Variants in CELSR1 observed in about 807,000 individuals in gnomAD.
The protein encoded by CELSR1 is adhesion G protein-coupled receptor C1.
Under a neutral mutation model 249.1 loss-of-function variants are expected in CELSR1, and 110 were observed. The observed-to-expected ratio is 0.44, with a 90% CI of 0.38 to 0.52. CELSR1 has a LOEUF of 0.52. CELSR1 is among the 20% of genes least tolerant of loss of function. The probability of loss-of-function intolerance (pLI) is 0.00; values close to 1 mark genes in which losing one functional copy is unlikely to be tolerated. For missense variants in CELSR1, 4,109 were observed against 4,296.4 expected (o/e 0.96, Z 1.22); for synonymous variants, 2,113 against 1,900.0 (o/e 1.11, Z -2.92).
In CELSR1 at chr22:46,401,947, G is replaced by C. The variant is rs1473673937; in HGVS notation, c.5227-2045C>G. Among the ~76,000 whole-genome samples the C allele has an allele frequency of 6.6e-6, 1 of 152,072 alleles. No individual in the cohort carries two copies. The highest frequency in any genetic ancestry group is 2.4e-5 in the African/African-American group (1 of 41,416). On this transcript the variant is annotated intron_variant, in intron 9 of 34. Transcript: ENST00000674500. The surrounding 1 kb of genome is among the most constrained non-coding windows in gnomAD (Gnocchi z 4.7). The stretch of plus-strand genomic sequence containing the variant: ...ACTAAAAATACAAAAAATTAGCTGG[G>C]CGTGGTGGCAGGTGCCTGTAGTTCC...
rs561360013 is a variant in CELSR1, at chr22:46,473,513, C to T, written c.3545-9168G>A. Among the ~76,000 whole-genome samples the T allele has an allele frequency of 1.1e-4, 16 of 152,236 alleles. No individual in the cohort carries two copies. Among genetic ancestry groups the T allele is most frequent in the East Asian group, 3.9e-4 (2 of 5,176 alleles). ...GGGCCACTTATTCACTGTGAGTCTC[C>T]GTCACCACCCCATGCACCAAAGCCT... On this transcript the variant is annotated intron_variant, in intron 1 of 34. Transcript: ENST00000674500. The surrounding 1 kb of genome is among the most constrained non-coding windows in gnomAD (Gnocchi z 6.6).
intron 5 of CELSR1, among the ~76,000 whole-genome samples, chr22:46,415,035 C>T (rs754514258): frequency 3.9e-5 from 6 of 152,184 alleles, no homozygotes; most frequent in Non-Finnish European, 7.3e-5. Context: ...CCATGCACCG[C>T]GTGACTCCAT....
intron 2 of CELSR1, among the ~76,000 whole-genome samples, chr22:46,450,543 A>G (rs1251174751): frequency 6.6e-6 from 1 of 152,206 alleles, no homozygotes; most frequent in East Asian, 1.9e-4. Context: ...AGGTTCAGAG[A>G]GGGCAGTTAC....
intron 1 of CELSR1, among the ~76,000 whole-genome samples, chr22:46,486,263 T>C (rs73452267): frequency 0.037 from 5,601 of 150,286 alleles, 358 homozygotes; most frequent in African/African-American, 0.13. Context: ...AAGTCATGCA[T>C]CAAGGCCGGG....
At chr22:46,457,072 C>A (rs555136518) in intron 2 of CELSR1, among the ~76,000 whole-genome samples, 1 of 152,198 alleles carries the variant, frequency 6.6e-6, no homozygotes, top group African/African-American at 2.4e-5. Flanking sequence ...CCGAAGTCCA[C>A]GTGGCGTGGA....
chr22:46,385,090 C>G (rs957665337), intron 19 of CELSR1, among the ~76,000 whole-genome samples: 9 of 151,382 alleles, frequency 5.9e-5, no homozygotes, highest in Non-Finnish European at 1.3e-4. Flanking sequence ...CCACGCCCAG[C>G]CTATTTACTT....
At chr22:46,452,095 C>T (rs972423571) in intron 2 of CELSR1, among the ~76,000 whole-genome samples, 1 of 152,148 alleles carries the variant, frequency 6.6e-6, no homozygotes, top group Non-Finnish European at 1.5e-5. Context: ...AGCTGCAGAA[C>T]TGAGGGAAGG....
At position 46,436,738 on chromosome 22, in the gene CELSR1, G is replaced by A. The variant is rs543648642; in HGVS notation, c.4407-449C>T. On this transcript the variant is annotated intron_variant, in intron 3 of 34. Transcript: ENST00000674500. This position sits in a 1 kb window ranked among gnomAD's most constrained non-coding sequence, Gnocchi z 5.9. ...GACCATTCTTATGGCCTCTCCCCCC[G>A]GCACTCAGCCACAATAGCATCTTTT... 3.6e-4 allele frequency among the ~76,000 whole-genome samples: 54 copies of A among 150,306 alleles called. No homozygotes were observed. Among genetic ancestry groups the A allele is most frequent in the African/African-American group, 1.2e-3 (49 of 39,884 alleles).
chr22:46,508,445 G>A (rs879861209), intron 1 of CELSR1, among the ~76,000 whole-genome samples: 12 of 11,150 alleles, frequency 1.1e-3, no homozygotes, highest in South Asian at 3.1e-3. Flanking sequence ...CCCCACCCCC[G>A]CCCCTTGCTG....
chr22:46,534,596 T>C lies in CELSR1; in HGVS notation c.2575A>G (p.Thr859Ala). 6 of 1,613,864 alleles carry C rather than the reference T, an allele frequency of 3.7e-6. No homozygotes were observed. Among genetic ancestry groups the C allele is most frequent in the Non-Finnish European group, 5.1e-6 (6 of 1,180,036 alleles). ...TTGTCCTGGGCCATGATGGTCAGCG[T>C]GTAGGCGACCTGGTTCTCATAGTCC... ...ELDYENQVAY[T>A]LTIMAQDNGI... The change falls in exon 1 of 35, where the codon ACG becomes GCG. Residue 859 changes from threonine (T) to alanine (A), a missense_variant. Physicochemically the swap from Thr to Ala is moderately conservative, Grantham distance 58. Transcript: ENST00000674500. This position sits in a 1 kb window ranked among gnomAD's most constrained non-coding sequence, Gnocchi z 9.7.
At chr22:46,365,480 G>A in intron 31 of CELSR1, 100 bp from the exon 32 acceptor site, 2 of 1,550,238 alleles carry the variant, frequency 1.3e-6, no homozygotes, top group Middle Eastern at 1.7e-4. Context: ...TGCTGACGCT[G>A]AGCATGGCGA....
In CELSR1 at chr22:46,399,943, CAATG is replaced by C; in HGVS notation, c.5227-45_5227-42del. The C allele has an allele frequency of 6.3e-7, 1 of 1,588,460 alleles. No homozygotes were observed. Among genetic ancestry groups the C allele is most frequent in the South Asian group, 1.1e-5 (1 of 89,156 alleles). ...CCACACCGACTGATTGGTACAATGACAATGAAAGAGAAAACATTTTGCAGTCACT... is the reference window on the plus strand; with the variant it reads ...CCACACCGACTGATTGGTACAATGACAAAGAGAAAACATTTTGCAGTCACT... On this transcript the variant is annotated intron_variant, in intron 9 of 34. Coordinates refer to ENST00000674500, the MANE Select transcript of CELSR1 (RefSeq NM_001378328.1). The surrounding 1 kb of genome is among the most constrained non-coding windows in gnomAD (Gnocchi z 5.0).
At chr22:46,373,752 A>AG (rs2078887277) in intron 24 of CELSR1, among the ~76,000 whole-genome samples, 1 of 148,358 alleles carries the variant, frequency 6.7e-6, no homozygotes, top group Non-Finnish European at 1.5e-5. Flanking sequence ...GAGCAATGGG[A>AG]GGGTCCCACC....
chr22:46,520,044 G>A (rs143091931), intron 1 of CELSR1, among the ~76,000 whole-genome samples: 4 of 151,848 alleles, frequency 2.6e-5, no homozygotes, highest in Non-Finnish European at 5.9e-5. Flanking sequence ...GCTAATTTTT[G>A]TATTTTTTTA....
chr22:46,378,619 G>T lies in CELSR1; in HGVS notation c.7355C>A (p.Ala2452Glu). The change falls in exon 23 of 35, where the codon GCG (alanine) becomes GAG (glutamate). Residue 2452 changes from alanine (A) to glutamate (E), a missense_variant. Physicochemically the swap from Ala to Glu is moderately radical, Grantham distance 107. This residue lies in a region of CELSR1 where 1,805 missense variants were observed against 1,831.6 expected (regional missense o/e 0.99). Coordinates refer to ENST00000674500, the MANE Select transcript of CELSR1 (RefSeq NM_001378328.1). The stretch of plus-strand genomic sequence containing the variant: ...ACGCCTGGAGATATCCATGAGCACC[G>T]CAAAGCTGGCTGTGTGGCTGCACTG... The part of the protein sequence containing the change: ...ACQCSHTASF[A>E]VLMDISRREN... 6.3e-7 allele frequency: 1 copy of T among 1,592,856 alleles called. No individual in the cohort carries two copies. Among genetic ancestry groups the T allele is most frequent in the South Asian group, 1.1e-5 (1 of 87,472 alleles).
In CELSR1 at chr22:46,436,126, G is replaced by A. The variant is rs1569160871; in HGVS notation, c.4522+48C>T. On this transcript the variant is annotated intron_variant, in intron 4 of 34. Transcript: ENST00000674500. This position sits in a 1 kb window ranked among gnomAD's most constrained non-coding sequence, Gnocchi z 5.9. Reference sequence around the variant, plus strand: ...GGCGAGGGTCGTTTTAACCCACAAAGTATCTGTGAATTGCTCAGAGCTGCC... The same window carrying A: ...GGCGAGGGTCGTTTTAACCCACAAAATATCTGTGAATTGCTCAGAGCTGCC... The A allele has an allele frequency of 6.7e-7, 1 of 1,496,574 alleles. No individual in the cohort carries two copies. The highest frequency in any genetic ancestry group is 1.1e-5 in the South Asian group (1 of 88,530). The allele number at this position is 1,496,574 out of a possible 1,614,324, so 92.7% of individuals were successfully genotyped here.
chr22:46,375,537 CTCTTTT>C (rs1268629541), intron 24 of CELSR1, among the ~76,000 whole-genome samples: 125 of 146,158 alleles, frequency 8.6e-4, no homozygotes, highest in African/African-American at 3.1e-3. Context: ...TGCTGCCAGG[CTCTTTT>C]TTTTTTTTTT....
rs984367885 is a variant in CELSR1 at position 46,395,476 on chromosome 22, C to G, written c.5843+1129G>C. On this transcript the variant is annotated intron_variant, in intron 13 of 34. Coordinates refer to ENST00000674500, the MANE Select transcript of CELSR1 (RefSeq NM_001378328.1). This position sits in a 1 kb window ranked among gnomAD's most constrained non-coding sequence, Gnocchi z 5.5. Reference sequence around the variant, plus strand: ...CTGTTGCTTTCGCTCCCAGAATGCCCTCCCGCTTCAGCCACACTGGCTCCC... The same window carrying G: ...CTGTTGCTTTCGCTCCCAGAATGCCGTCCCGCTTCAGCCACACTGGCTCCC... Among the ~76,000 whole-genome samples, 1 of 152,114 alleles carries G rather than the reference C, an allele frequency of 6.6e-6. No individual in the cohort carries two copies. Among genetic ancestry groups the G allele is most frequent in the Non-Finnish European group, 1.5e-5 (1 of 68,014 alleles).
chr22:46,524,568 G>A (rs759630561), intron 1 of CELSR1, among the ~76,000 whole-genome samples: 6 of 57,180 alleles, frequency 1.0e-4, no homozygotes, highest in Non-Finnish European at 2.5e-4. Flanking sequence ...GTGTGTGTGT[G>A]TGTCTGTCTG....
Sources: gnomAD v4.1 joint callset for allele counts (sites outside exome capture counted in the v4.1 genomes callset) on GRCh38, gnomAD v4.1.1 for gene constraint, gnomAD v4.1.1 regional missense constraint, Gnocchi (gnomAD v3.1) non-coding constraint, MANE v1.5 for transcripts, NCBI Gene and HGNC (gene_info 2026-07-23, HGNC 2026-07-21) for gene names.